CTNNA3: variants seen among roughly 807,000 people sequenced by gnomAD.
CTNNA3 encodes the protein catenin alpha 3.
Under a neutral mutation model 95.7 loss-of-function variants are expected in CTNNA3, and 76 were observed. The observed-to-expected ratio is 0.79, with a 90% CI of 0.66 to 0.96. CTNNA3 has a LOEUF of 0.96. Among genes scored for constraint, CTNNA3 ranks in the 40% least tolerant of loss-of-function variants. The probability of loss-of-function intolerance (pLI) is 0.00; values close to 1 mark genes in which losing one functional copy is unlikely to be tolerated. For synonymous variants in CTNNA3, 431 were observed against 374.4 expected (o/e 1.15, Z -1.74); for missense variants, 1,191 against 1,089.8 (o/e 1.09, Z -1.31).
At chr10:67,488,121 C>A (rs1029263843) in intron 5 of CTNNA3, among the ~76,000 whole-genome samples, 1 of 152,036 alleles carries the variant, frequency 6.6e-6, no homozygotes, top group Admixed American at 6.5e-5. Flanking sequence ...TCTTGGGCAA[C>A]AAGGGACAGC....
chr10:66,740,982 C>T (rs1180068037), intron 9 of CTNNA3, among the ~76,000 whole-genome samples: 4 of 152,136 alleles, frequency 2.6e-5, no homozygotes, highest in Non-Finnish European at 5.9e-5. Context: ...GTTGGAAATG[C>T]AGATTCATGG....
At chr10:67,320,877 T>C (rs1841290975) in intron 5 of CTNNA3, among the ~76,000 whole-genome samples, 1 of 152,202 alleles carries the variant, frequency 6.6e-6, no homozygotes, top group South Asian at 2.1e-4. Context: ...AGGAAACATT[T>C]CTGCTGTTTT....
chr10:67,426,954 T>C (rs1845943275), intron 5 of CTNNA3, among the ~76,000 whole-genome samples: 1 of 152,226 alleles, frequency 6.6e-6, no homozygotes, highest in East Asian at 1.9e-4. Flanking sequence ...TTTTTCCAGA[T>C]TCAGTCATCA....
Position 66,803,453 on chromosome 10 carries a change from T to C in CTNNA3, c.1048-27929A>G, listed in dbSNP as rs958241319. Among the ~76,000 whole-genome samples, 6 of 152,022 alleles carry C rather than the reference T, an allele frequency of 3.9e-5. No homozygotes were observed. The East Asian group carries it at 5.8e-4, about 15-fold the overall frequency. ...AGGCAAAGTTAATACCTCCCACCTC[T>C]GTTCAATTCTGCACTGCATACCAGC... On this transcript the variant is annotated intron_variant, in intron 7 of 17. Coordinates refer to ENST00000433211, the MANE Select transcript of CTNNA3 (RefSeq NM_013266.4).
intron 5 of CTNNA3, among the ~76,000 whole-genome samples, chr10:67,455,404 C>T (rs1316487928): frequency 6.6e-6 from 1 of 152,024 alleles, no homozygotes; most frequent in East Asian, 1.9e-4. Context: ...ACAGATACTC[C>T]CCCTCCAGGA....
intron 13 of CTNNA3, among the ~76,000 whole-genome samples, chr10:66,250,479 T>A (rs2090505976): frequency 1.3e-5 from 2 of 152,240 alleles, no homozygotes; most frequent in African/African-American, 4.8e-5. Context: ...ATATCCCATT[T>A]ACTATGATGT....
intron 1 of CTNNA3, among the ~76,000 whole-genome samples, chr10:67,662,099 C>T (rs1388561690): frequency 1.3e-5 from 2 of 152,102 alleles, no homozygotes; most frequent in East Asian, 3.9e-4. Flanking sequence ...TTCATGGTGG[C>T]CTTACTCATA....
chr10:67,107,715 A>G (rs1474798547), intron 7 of CTNNA3, among the ~76,000 whole-genome samples: 2 of 152,194 alleles, frequency 1.3e-5, no homozygotes. Context: ...CATGATCAAA[A>G]TCATTTAGGT....
chr10:66,619,296 G>T (rs1240814129), intron 10 of CTNNA3, among the ~76,000 whole-genome samples: 1 of 151,198 alleles, frequency 6.6e-6, no homozygotes, highest in African/African-American at 2.4e-5. Flanking sequence ...CAATAGCAAA[G>T]ACTTGGAACA....
rs917523126 is a variant in CTNNA3, at chr10:67,416,513, C to T, written c.579+105329G>A. ...GTCCCAGCTACTTGGGAGACTGAGG[C>T]AGGAGAATGGCGTGAACCCGGGGGG... On this transcript the variant is annotated intron_variant, in intron 5 of 17. Transcript: ENST00000433211. 4.1e-5 allele frequency among the ~76,000 whole-genome samples: 6 copies of T among 146,722 alleles called. No individual in the cohort carries two copies. The East Asian group carries it at 1.2e-3, about 30-fold the overall frequency.
intron 7 of CTNNA3, among the ~76,000 whole-genome samples, chr10:67,022,560 T>A (rs1340762431): frequency 2.0e-5 from 3 of 152,164 alleles, no homozygotes; most frequent in Admixed American, 6.5e-5. Flanking sequence ...AAAAAGTGAA[T>A]TTAGTAAGGT....
chr10:66,367,424 G>GTT (rs2092717733), intron 12 of CTNNA3, among the ~76,000 whole-genome samples: 2 of 151,070 alleles, frequency 1.3e-5, no homozygotes, highest in African/African-American at 4.9e-5. Context: ...TCATTGACAT[G>GTT]TTATATATAT....
intron 11 of CTNNA3, among the ~76,000 whole-genome samples, chr10:66,445,957 A>G (rs2093417469): frequency 6.6e-6 from 1 of 152,134 alleles, no homozygotes; most frequent in African/African-American, 2.4e-5. Flanking sequence ...AGAGAGAAGA[A>G]TCAAATAGAT....
chr10:67,537,421 G>A (rs1840520875), intron 4 of CTNNA3, among the ~76,000 whole-genome samples: 1 of 152,146 alleles, frequency 6.6e-6, no homozygotes. Flanking sequence ...CCAGCACAGT[G>A]TTTGGCACAT....
intron 5 of CTNNA3, among the ~76,000 whole-genome samples, chr10:67,266,290 C>A (rs927000059): frequency 7.9e-5 from 12 of 151,536 alleles, no homozygotes; most frequent in Non-Finnish European, 1.2e-4. Context: ...TATTTTTGTT[C>A]AAAAAAAATA....
chr10:67,051,180 TG>T (rs1855066494), intron 7 of CTNNA3, among the ~76,000 whole-genome samples: 1 of 152,224 alleles, frequency 6.6e-6, no homozygotes. Flanking sequence ...TCTCATTACC[TG>T]GGTGAATTAT....
chr10:67,054,789 ACCAACTCAGTAAC>A, intron 7 of CTNNA3: 1 of 152,286 alleles, frequency 6.6e-6, no homozygotes, highest in Middle Eastern at 3.4e-3. Context: ...TCTTAATGGT[ACCAACTCAGTAAC>A]CCAAACTGTT....
At chr10:66,956,932 C>T (rs1281498252) in intron 7 of CTNNA3, among the ~76,000 whole-genome samples, 1 of 152,120 alleles carries the variant, frequency 6.6e-6, no homozygotes, top group East Asian at 1.9e-4. Context: ...AGTAAGTGCA[C>T]AGCAAAAAGA....
In CTNNA3 at chr10:65,941,720, A is replaced by G. The variant is rs561313336; in HGVS notation, c.2401-21103T>C. On this transcript the variant is annotated intron_variant, in intron 17 of 17. Transcript: ENST00000433211. ...ATTTCATATTTAGTATCTTGATTAA[A>G]TTGATTCTGATCTTTCCTTCCCAAA... 3.3e-5 allele frequency among the ~76,000 whole-genome samples: 5 copies of G among 152,286 alleles called. No individual in the cohort carries two copies. In the East Asian group the frequency reaches 7.7e-4, roughly 24 times the overall value.
Sources: gnomAD v4.1 joint callset for allele counts (sites outside exome capture counted in the v4.1 genomes callset) on GRCh38, gnomAD v4.1.1 for gene constraint, MANE v1.5 for transcripts, NCBI Gene and HGNC (gene_info 2026-07-23, HGNC 2026-07-21) for gene names.